Variants in LATS1 observed in about 807,000 individuals in gnomAD.
LATS1 encodes the protein large tumor suppressor kinase 1.
Under a neutral mutation model 106.6 loss-of-function variants are expected in LATS1, and 25 were observed. The observed-to-expected ratio is 0.23, with a 90% CI of 0.17 to 0.33. The LOEUF (loss-of-function observed/expected upper bound fraction) is 0.33, where lower values mean the gene tolerates loss of function less well. LATS1 is among the 10% of genes least tolerant of loss of function. The pLI is 1.00. For synonymous variants in LATS1, 465 were observed against 455.6 expected (o/e 1.02, Z -0.26); for missense variants, 1,040 against 1,382.6 (o/e 0.75, Z 3.93).
At chr6:149,675,239 A>C (rs1781656453) in intron 7 of LATS1, among the ~76,000 whole-genome samples, 1 of 151,470 alleles carries the variant, frequency 6.6e-6, no homozygotes, top group Admixed American at 6.6e-5. Flanking sequence ...AAAAGAGAGA[A>C]TGACCAAGAG....
Position 149,683,756 on chromosome 6 carries a change from G to C in LATS1, c.1333C>G (p.Pro445Ala), listed in dbSNP as rs770372318. ...QSSSAPAQSS[P>A]SSGHEIPTWQ... ...GTAGGGATTTCATGCCCACTGCTCG[G>C]GGATGACTGGGCTGGAGCAGAAGAT... Residue 445 changes from proline (P) to alanine (A), a missense_variant, in exon 4 of 8, where the codon CCG (proline) becomes GCG (alanine). By Grantham distance (27) the Pro-to-Ala change is conservative. Coordinates refer to ENST00000543571, the MANE Select transcript of LATS1 (RefSeq NM_004690.4). 5.6e-6 allele frequency: 9 copies of C among 1,613,700 alleles called. No individual in the cohort carries two copies. Among genetic ancestry groups the C allele is most frequent in the East Asian group, 2.2e-5 (1 of 44,898 alleles).
At chr6:149,717,380 T>A (rs1349571028) in intron 1 of LATS1, among the ~76,000 whole-genome samples, 1 of 152,204 alleles carries the variant, frequency 6.6e-6, no homozygotes, top group African/African-American at 2.4e-5. Flanking sequence ...AACAGTAACC[T>A]AAAATCACAC....
At position 149,661,941 on chromosome 6, in the gene LATS1, G is replaced by A; in HGVS notation, c.3181C>T (p.Leu1061Phe). ...DNEEENVNDT[L>F]NGWYKNGKHP... ...TTTCCATTTTTATACCATCCATTGAGAGTGTCATTTACATTTTCTTCCTCG... is the reference window on the plus strand; with the variant it reads ...TTTCCATTTTTATACCATCCATTGAAAGTGTCATTTACATTTTCTTCCTCG... The change falls in exon 8 of 8, where the codon CTC becomes TTC. Residue 1061 changes from leucine (L) to phenylalanine (F), a missense_variant. Physicochemically the swap from Leu to Phe is conservative, Grantham distance 22 (BLOSUM62 0). Transcript: ENST00000543571. 1 of 1,613,990 alleles carries A rather than the reference G, an allele frequency of 6.2e-7. No individual in the cohort carries two copies. Among genetic ancestry groups the A allele is most frequent in the Non-Finnish European group, 8.5e-7 (1 of 1,179,940 alleles).
intron 1 of LATS1, among the ~76,000 whole-genome samples, chr6:149,708,363 C>T (rs1783900138): frequency 6.7e-6 from 1 of 148,956 alleles, no homozygotes; most frequent in African/African-American, 2.5e-5. Context: ...TGCAGTGAGC[C>T]GAGACTGCAC....
intron 1 of LATS1, among the ~76,000 whole-genome samples, chr6:149,711,288 T>C (rs1031591375): frequency 2.6e-5 from 4 of 151,730 alleles, no homozygotes; most frequent in African/African-American, 4.8e-5. Context: ...CTCACACCTG[T>C]AATTCCAGCA....
Position 149,695,226 on chromosome 6 carries a change from T to C in LATS1, c.349-5A>G. 1 of 1,568,888 alleles carries C rather than the reference T, an allele frequency of 6.4e-7. No homozygotes were observed. The highest frequency in any genetic ancestry group is 8.7e-7 in the Non-Finnish European group (1 of 1,152,788). ...AAGAGCTTGTATAACCATATCCTGATATGAATTGAAGTTTAAAAAAAAAGA... is the reference window on the plus strand; with the variant it reads ...AAGAGCTTGTATAACCATATCCTGACATGAATTGAAGTTTAAAAAAAAAGA... On this transcript the variant is annotated splice_region_variant and splice_polypyrimidine_tract_variant and intron_variant, in intron 2 of 7. Coordinates refer to ENST00000543571, the MANE Select transcript of LATS1 (RefSeq NM_004690.4).
At position 149,702,258 on chromosome 6, in the gene LATS1, T is replaced by C; in HGVS notation, c.-132A>G. The C allele has an allele frequency of 1.7e-6, 1 of 581,172 alleles. No individual in the cohort carries two copies. Among genetic ancestry groups the C allele is most frequent in the Non-Finnish European group, 3.0e-6 (1 of 334,382 alleles). 36.0% of individuals were successfully genotyped at this position (581,172 alleles called of 1,614,324 possible). On this transcript the variant is annotated 5_prime_UTR_variant, in exon 2 of 8. Coordinates refer to ENST00000543571, the MANE Select transcript of LATS1 (RefSeq NM_004690.4). ...CTGTTAAAATTCTTTACAATATAAATAATTAACTCTGTAAAAGAAAGAAAG... is the reference window on the plus strand; with the variant it reads ...CTGTTAAAATTCTTTACAATATAAACAATTAACTCTGTAAAAGAAAGAAAG...
In LATS1 at chr6:149,678,158, AAAATCC is replaced by A. The variant is rs1240722265; in HGVS notation, c.2594-1427_2594-1422del. On this transcript the variant is annotated intron_variant, in intron 5 of 7. Coordinates refer to ENST00000543571, the MANE Select transcript of LATS1 (RefSeq NM_004690.4). ...ACACGGTGAAACCTGGTCTCTACTA[AAAATCC>A]AAAAAAAAAAAAAAAAAAAAAAAAA... 2.1e-5 allele frequency among the ~76,000 whole-genome samples: 3 copies of A among 140,000 alleles called. No individual in the cohort carries two copies. The East Asian group carries it at 6.5e-4, about 30-fold the overall frequency. The allele number at this position is 140,000 out of a possible 152,430, so 91.8% of individuals were successfully genotyped here. A position where few individuals can be genotyped will look rare whatever the true frequency, so the allele number is the denominator to read the frequency against.
chr6:149,710,962 GA>G (rs1372229999), intron 1 of LATS1, among the ~76,000 whole-genome samples: 1 of 152,180 alleles, frequency 6.6e-6, no homozygotes, highest in East Asian at 1.9e-4. Flanking sequence ...CTTGTACCTA[GA>G]CCCCTAGAGG....
rs1177380755 is a variant in LATS1, at chr6:149,695,125, C to A, written c.445G>T (p.Glu149Ter). Residue 149 changes from glutamate to a stop codon, truncating the protein, a stop_gained, in exon 3 of 8, where the codon GAG becomes TAG. Transcript: ENST00000543571. LOFTEE classifies it high-confidence loss of function. Reference sequence around the variant, plus strand: ...CTGGCAGCTGCTGCAGCCATCTGCTCTCGTCGAGGATCTTGGTAACTCATT... The same window carrying A: ...CTGGCAGCTGCTGCAGCCATCTGCTATCGTCGAGGATCTTGGTAACTCATT... ...SKMSYQDPRREQMAAAAARPI... is the reference protein window; with the variant it reads ...SKMSYQDPRR 1 of 1,613,168 alleles carries A rather than the reference C, an allele frequency of 6.2e-7. No individual in the cohort carries two copies.
intron 1 of LATS1, among the ~76,000 whole-genome samples, chr6:149,710,240 G>A (rs1055185057): frequency 1.3e-5 from 2 of 152,192 alleles, no homozygotes; most frequent in Non-Finnish European, 2.9e-5. Context: ...CCTGAGGGCT[G>A]TGTCATGGGG....
At chr6:149,708,885 A>T (rs1422283490) in intron 1 of LATS1, among the ~76,000 whole-genome samples, 1 of 152,170 alleles carries the variant, frequency 6.6e-6, no homozygotes, top group Non-Finnish European at 1.5e-5. Context: ...GGAAACAAAC[A>T]AAGGCTATTT....
At chr6:149,685,479 G>A (rs1034277712) in intron 3 of LATS1, among the ~76,000 whole-genome samples, 2 of 152,068 alleles carry the variant, frequency 1.3e-5, no homozygotes, top group African/African-American at 4.8e-5. Flanking sequence ...TCCGTCTCCC[G>A]GGTTCAAGTA....
chr6:149,706,132 G>C (rs913470871), intron 1 of LATS1, among the ~76,000 whole-genome samples: 3 of 130,694 alleles, frequency 2.3e-5, no homozygotes, highest in Non-Finnish European at 4.7e-5. Context: ...GTGGTGAGCC[G>C]AGATCGTGCC....
At chr6:149,682,397 C>T (rs1782091623) in intron 4 of LATS1, among the ~76,000 whole-genome samples, 1 of 151,460 alleles carries the variant, frequency 6.6e-6, no homozygotes, top group Non-Finnish European at 1.5e-5. Flanking sequence ...AGAGATGAGA[C>T]CCACGTATTT....
chr6:149,691,770 C>T lies in LATS1; in HGVS notation c.496+3304G>A, dbSNP rs73779543. Among the ~76,000 whole-genome samples the T allele has an allele frequency of 3.5e-3, 530 of 152,236 alleles. 3 individuals are homozygous for T. Among genetic ancestry groups the T allele is most frequent in the African/African-American group, 0.012 (502 of 41,520 alleles). On this transcript the variant is annotated intron_variant, in intron 3 of 7. Transcript: ENST00000543571. Reference sequence around the variant, plus strand: ...GGCTCATACATACATCCCCACCTCCCTACTTGACATCTTCACTTGGAAAAC... The same window carrying T: ...GGCTCATACATACATCCCCACCTCCTTACTTGACATCTTCACTTGGAAAAC...
rs116728357 is a variant in LATS1, at chr6:149,666,974, G to A, written c.2884-4736C>T. Among the ~76,000 whole-genome samples the A allele has an allele frequency of 7.5e-3, 1,120 of 149,998 alleles. 23 individuals are homozygous for A. Among genetic ancestry groups the A allele is most frequent in the African/African-American group, 0.026 (1,085 of 41,030 alleles). ...AAAAAAAAAAAATGCTCCAAATAAG[G>A]ATGAACACTCATGAAATGAAAGATA... On this transcript the variant is annotated intron_variant, in intron 7 of 7. Transcript: ENST00000543571.
At position 149,705,584 on chromosome 6, in the gene LATS1, C is replaced by CAG. The variant is rs140872506; in HGVS notation, c.-140-3320_-140-3319dup. On this transcript the variant is annotated intron_variant, in intron 1 of 7. Coordinates refer to ENST00000543571, the MANE Select transcript of LATS1 (RefSeq NM_004690.4). ...TTTACCATTTCCAAGATCATTCTGA[C>CAG]AGAGAGAGAGAGAGAAAAAAAAAAG... 8.3e-3 allele frequency among the ~76,000 whole-genome samples: 1,233 copies of CAG among 148,136 alleles called. 17 individuals carry two copies. The highest frequency in any genetic ancestry group is 0.029 in the African/African-American group (1,185 of 40,250).
At chr6:149,701,704 G>T in intron 2 of LATS1, 75 bp downstream of exon 2, 1 of 1,044,010 alleles carries the variant, frequency 9.6e-7, no homozygotes. Flanking sequence ...AAACATTTTG[G>T]CATGTTATCA....
Sources: allele counts gnomAD v4.1 joint callset (sites outside exome capture counted in the v4.1 genomes callset), GRCh38; gene constraint gnomAD v4.1.1; transcripts MANE v1.5; gene names NCBI Gene and HGNC (gene_info 2026-07-23, HGNC 2026-07-21).